The following TBC1D4 variants were observed in gnomAD, a reference collection of about 807,000 sequenced individuals.
TBC1D4 encodes TBC (Tre-2, BUB2, CDC16) domain-containing protein.
TBC1D4 carries 121 observed loss-of-function variants against 142.5 expected under a neutral mutation model. The ratio of observed to expected loss-of-function variants is 0.85; its 90% CI spans 0.73 to 0.99. The LOEUF (loss-of-function observed/expected upper bound fraction) is 0.99. Among genes scored for constraint, TBC1D4 ranks in the 50% least tolerant of loss-of-function variants. The pLI, the probability that TBC1D4 is intolerant of heterozygous loss-of-function variation, is 0.00. For synonymous variants in TBC1D4, 630 were observed against 628.2 expected (o/e 1.00, Z -0.04); for missense variants, 1,475 against 1,606.6 (o/e 0.92, Z 1.40).
At chr13:75,356,308 A>C (rs1338674093) in intron 3 of TBC1D4, 57 bp from the exon 4 acceptor site, 4 of 1,210,742 alleles carry the variant, frequency 3.3e-6, no homozygotes, top group Admixed American at 1.8e-5. Context: ...TTTTTTACTC[A>C]ACAATATGGA....
At position 75,283,657 on chromosome 13, in the gene TBC1D4, C is replaced by T. The variant is rs1464429866; in HGVS notation, c.*3135G>A. ...TTTGTATTTTCTTGTGGCTCTCTCTCCCTTGCTATCTATGAGGGGGCCTGG... is the reference window on the plus strand; with the variant it reads ...TTTGTATTTTCTTGTGGCTCTCTCTTCCTTGCTATCTATGAGGGGGCCTGG... On this transcript the variant is annotated 3_prime_UTR_variant, in exon 21 of 21. Coordinates refer to ENST00000377636, the MANE Select transcript of TBC1D4 (RefSeq NM_014832.5). Among the ~76,000 whole-genome samples, 1 of 152,168 alleles carries T rather than the reference C, an allele frequency of 6.6e-6. No homozygotes were observed. The highest frequency in any genetic ancestry group is 1.5e-5 in the Non-Finnish European group (1 of 68,038).
intron 1 of TBC1D4, among the ~76,000 whole-genome samples, chr13:75,383,560 T>C (rs1883985690): frequency 6.6e-6 from 1 of 152,230 alleles, no homozygotes; most frequent in Non-Finnish European, 1.5e-5. Flanking sequence ...TGCAGTACAG[T>C]ACAATAAGGC....
chr13:75,337,118 T>A, intron 7 of TBC1D4, 78 bp from the exon 8 acceptor site: 1 of 1,371,086 alleles, frequency 7.3e-7, no homozygotes, highest in Non-Finnish European at 1.0e-6. Flanking sequence ...GGCTTAAGAC[T>A]AAGCTATTAA....
At chr13:75,451,641 C>A (rs1339667699) in intron 1 of TBC1D4, among the ~76,000 whole-genome samples, 2 of 150,024 alleles carry the variant, frequency 1.3e-5, no homozygotes, top group East Asian at 1.9e-4. Context: ...GATTGCACCA[C>A]TGCACTCCAG....
intron 1 of TBC1D4, among the ~76,000 whole-genome samples, chr13:75,428,374 A>G (rs565962042): frequency 6.6e-5 from 10 of 152,340 alleles, no homozygotes; most frequent in African/African-American, 2.4e-4. Context: ...CATGTTTTTT[A>G]CATATCCTTC....
intron 1 of TBC1D4, among the ~76,000 whole-genome samples, chr13:75,456,292 G>T (rs1887731632): frequency 6.6e-6 from 1 of 152,058 alleles, no homozygotes; most frequent in African/African-American, 2.4e-5. Context: ...TTCCTAGAAA[G>T]GATACAAAAG....
chr13:75,380,068 G>A lies in TBC1D4; in HGVS notation c.499-17461C>T, dbSNP rs902825918. On this transcript the variant is annotated intron_variant, in intron 1 of 20. Coordinates refer to ENST00000377636, the MANE Select transcript of TBC1D4 (RefSeq NM_014832.5). ...TAACCTTTGTATTTTTAGTAGAGAC[G>A]GGGTTTCACTGTGTTGGCCAGGTAG... 6.6e-5 allele frequency among the ~76,000 whole-genome samples: 10 copies of A among 151,424 alleles called. No homozygotes were observed. In the South Asian group the frequency reaches 1.3e-3, roughly 19 times the overall value.
chr13:75,395,943 T>A (rs1024263784), intron 1 of TBC1D4, among the ~76,000 whole-genome samples: 4 of 152,222 alleles, frequency 2.6e-5, no homozygotes, highest in Non-Finnish European at 4.4e-5. Flanking sequence ...CTGGCTTGTT[T>A]AAGCCTCTTT....
chr13:75,327,451 T>C (rs1879358572), intron 9 of TBC1D4, among the ~76,000 whole-genome samples: 2 of 152,114 alleles, frequency 1.3e-5, no homozygotes, highest in Non-Finnish European at 2.9e-5. Flanking sequence ...TACAAGTATA[T>C]AATTACTAAT....
chr13:75,417,047 G>T (rs1885949840), intron 1 of TBC1D4, among the ~76,000 whole-genome samples: 1 of 152,136 alleles, frequency 6.6e-6, no homozygotes. Context: ...GCTCCGGATG[G>T]TCACTCACAA....
chr13:75,351,812 C>G (rs184330708), intron 4 of TBC1D4, among the ~76,000 whole-genome samples: 1 of 151,944 alleles, frequency 6.6e-6, no homozygotes, highest in Non-Finnish European at 1.5e-5. Flanking sequence ...TCTAATCTAC[C>G]GTTGTTGGAC....
chr13:75,479,746 T>C (rs1388249701), intron 1 of TBC1D4, among the ~76,000 whole-genome samples: 1 of 152,222 alleles, frequency 6.6e-6, no homozygotes, highest in Non-Finnish European at 1.5e-5. Flanking sequence ...AATTTTAACA[T>C]ATGTGAAAGC....
chr13:75,458,804 T>C (rs1189923608), intron 1 of TBC1D4, among the ~76,000 whole-genome samples: 1 of 152,118 alleles, frequency 6.6e-6, no homozygotes, highest in Non-Finnish European at 1.5e-5. Context: ...AGTTAGCTAA[T>C]ATTGTGAGAA....
intron 1 of TBC1D4, among the ~76,000 whole-genome samples, chr13:75,447,709 C>G (rs960066094): frequency 6.6e-6 from 1 of 152,086 alleles, no homozygotes; most frequent in Non-Finnish European, 1.5e-5. Flanking sequence ...GTATGTACAG[C>G]CACTCCCTAT....
At chr13:75,310,315 G>C (rs1877622843) in intron 13 of TBC1D4, among the ~76,000 whole-genome samples, 164 bp from the exon 14 acceptor site, 1 of 152,162 alleles carries the variant, frequency 6.6e-6, no homozygotes, top group Admixed American at 6.5e-5. Flanking sequence ...AAATTCACTA[G>C]ACTGAATTCC....
At chr13:75,375,414 GTAGT>G (rs1021668246) in intron 1 of TBC1D4, 2 of 152,230 alleles carry the variant, frequency 1.3e-5, no homozygotes, top group African/African-American at 4.8e-5. Flanking sequence ...TATTAACACA[GTAGT>G]TAAAGAATCA....
intron 1 of TBC1D4, among the ~76,000 whole-genome samples, chr13:75,373,540 C>T (rs1883332025): frequency 6.6e-6 from 1 of 152,140 alleles, no homozygotes; most frequent in African/African-American, 2.4e-5. Context: ...GAAGGAAAGG[C>T]ACTAGTCTCC....
At chr13:75,462,556 A>G (rs2138288278) in intron 1 of TBC1D4, among the ~76,000 whole-genome samples, 1 of 151,634 alleles carries the variant, frequency 6.6e-6, no homozygotes, top group East Asian at 1.9e-4. Flanking sequence ...AAAAAAAAAA[A>G]AGATTTGACA....
Position 75,456,552 on chromosome 13 carries a change from C to T in TBC1D4, c.498+24718G>A, listed in dbSNP as rs1887743603. On this transcript the variant is annotated intron_variant, in intron 1 of 20. Transcript: ENST00000377636. ...CCAATGCATATGAAAAGGTGCTTAG[C>T]ACATCATTAGTCATCTGCAAAATGC... Among the ~76,000 whole-genome samples, 3 of 152,030 alleles carry T rather than the reference C, an allele frequency of 2.0e-5. No individual in the cohort carries two copies. The South Asian group carries it at 6.2e-4, about 32-fold the overall frequency.
Sources: gnomAD v4.1 joint callset for allele counts (sites outside exome capture counted in the v4.1 genomes callset) on GRCh38, gnomAD v4.1.1 for gene constraint, MANE v1.5 for transcripts, NCBI Gene and HGNC (gene_info 2026-07-23, HGNC 2026-07-21) for gene names.